SLC15A5: variants seen among roughly 807,000 people sequenced by gnomAD.
The protein encoded by SLC15A5 is Peptide/histidine transporter ENSP00000340402.
A neutral mutation model predicts 56.1 loss-of-function variants in SLC15A5; 58 were observed. The ratio of observed to expected loss-of-function variants is 1.03; its 90% CI spans 0.84 to 1.29. SLC15A5 has a LOEUF of 1.29. Ranked by LOEUF, SLC15A5 falls within the 50% of genes most tolerant of loss-of-function variation. SLC15A5 has a pLI of 0.00. For synonymous variants in SLC15A5, 264 were observed against 250.5 expected (o/e 1.05, Z -0.51); for missense variants, 681 against 672.1 (o/e 1.01, Z -0.15).
At chr12:16,224,751 A>C (rs1772920560) in intron 5 of SLC15A5, 149 bp from the exon 6 acceptor site, 1 of 827,768 alleles carries the variant, frequency 1.2e-6, no homozygotes, top group African/African-American at 1.7e-5. Flanking sequence ...ATTATACTTT[A>C]AGTTCTAGGG....
At chr12:16,223,676 C>G (rs1480028159) in intron 6 of SLC15A5, among the ~76,000 whole-genome samples, 3 of 151,714 alleles carry the variant, frequency 2.0e-5, no homozygotes, top group East Asian at 1.9e-4. Flanking sequence ...TGTTTATATA[C>G]TCTCAAAGAA....
chr12:16,257,201 C>G (rs1009712374), intron 3 of SLC15A5, among the ~76,000 whole-genome samples: 1 of 151,788 alleles, frequency 6.6e-6, no homozygotes, highest in African/African-American at 2.4e-5. Flanking sequence ...TTTATGTATG[C>G]ATACACCTAC....
At chr12:16,228,759 T>G (rs551876424) in intron 5 of SLC15A5, among the ~76,000 whole-genome samples, 1 of 152,188 alleles carries the variant, frequency 6.6e-6, no homozygotes, top group Non-Finnish European at 1.5e-5. Context: ...TATATGATTT[T>G]CTTAATAACA....
intron 2 of SLC15A5, among the ~76,000 whole-genome samples, chr12:16,260,695 G>T (rs1591659352): frequency 6.7e-6 from 1 of 150,302 alleles, no homozygotes; most frequent in African/African-American, 2.4e-5. Flanking sequence ...ATCTTTATTG[G>T]TTCATACTTT....
intron 3 of SLC15A5, among the ~76,000 whole-genome samples, chr12:16,254,937 G>C (rs985280939): frequency 1.3e-5 from 2 of 152,088 alleles, no homozygotes; most frequent in Non-Finnish European, 2.9e-5. Context: ...ACTGTAGGAT[G>C]ACTATAGTTA....
At chr12:16,259,022 TC>T (rs1864610854) in intron 2 of SLC15A5, among the ~76,000 whole-genome samples, 4 of 84,682 alleles carry the variant, frequency 4.7e-5, no homozygotes, top group African/African-American at 1.3e-4. Flanking sequence ...TTTCTTTCTT[TC>T]CTTTTTTTTT....
intron 2 of SLC15A5, among the ~76,000 whole-genome samples, chr12:16,265,153 G>T (rs1014461377): frequency 3.9e-5 from 6 of 152,152 alleles, no homozygotes; most frequent in African/African-American, 1.4e-4. Context: ...AATTGCAGAT[G>T]CGGCAAGGTA....
At chr12:16,231,235 G>T (rs1864294877) in intron 5 of SLC15A5, among the ~76,000 whole-genome samples, 1 of 152,158 alleles carries the variant, frequency 6.6e-6, no homozygotes, top group African/African-American at 2.4e-5. Flanking sequence ...CCAATATCTA[G>T]AGCAGTTTAG....
intron 2 of SLC15A5, among the ~76,000 whole-genome samples, chr12:16,272,055 C>T (rs1864765336): frequency 6.6e-6 from 1 of 152,184 alleles, no homozygotes; most frequent in South Asian, 2.1e-4. Flanking sequence ...CCAAATTAGT[C>T]TATTACAATA....
intron 5 of SLC15A5, among the ~76,000 whole-genome samples, chr12:16,234,738 C>T (rs1226246224): frequency 6.6e-6 from 1 of 152,040 alleles, no homozygotes; most frequent in Non-Finnish European, 1.5e-5. Context: ...TAATAATTTT[C>T]CAAATTAGTC....
chr12:16,264,867 T>C (rs1014921541), intron 2 of SLC15A5, among the ~76,000 whole-genome samples: 1 of 152,214 alleles, frequency 6.6e-6, no homozygotes, highest in Non-Finnish European at 1.5e-5. Context: ...CACATGGAAC[T>C]GTAAGTCAAA....
At chr12:16,244,434 C>T (rs923057900) in intron 4 of SLC15A5, 146 bp downstream of exon 4, 2 of 723,800 alleles carry the variant, frequency 2.8e-6, no homozygotes, top group South Asian at 1.8e-5. Flanking sequence ...AAATCAGAGC[C>T]TGTAATGATG....
intron 2 of SLC15A5, among the ~76,000 whole-genome samples, chr12:16,268,514 A>G (rs961439244): frequency 6.6e-6 from 1 of 152,190 alleles, no homozygotes; most frequent in Admixed American, 6.5e-5. Flanking sequence ...AGATTATTTC[A>G]TGAACTGCTT....
chr12:16,210,831 AT>A (rs1170047281), intron 7 of SLC15A5, among the ~76,000 whole-genome samples: 1 of 152,234 alleles, frequency 6.6e-6, no homozygotes, highest in Non-Finnish European at 1.5e-5. Flanking sequence ...TGATGCTATT[AT>A]AAACTCAAAG....
At chr12:16,199,996 C>CTG (rs1258753095) in intron 7 of SLC15A5, among the ~76,000 whole-genome samples, 1 of 151,872 alleles carries the variant, frequency 6.6e-6, no homozygotes, top group Non-Finnish European at 1.5e-5. Context: ...GTCACTTTAA[C>CTG]TGTAGACTTT....
chr12:16,256,221 T>G (rs1456972649), intron 3 of SLC15A5, among the ~76,000 whole-genome samples: 1 of 152,178 alleles, frequency 6.6e-6, no homozygotes, highest in Non-Finnish European at 1.5e-5. Flanking sequence ...TACCTCAATG[T>G]AACTAGCTGA....
At position 16,194,392 on chromosome 12, in the gene SLC15A5, TG is replaced by T; in HGVS notation, c.1544del (p.Ala515AspfsTer3). Reference sequence around the variant, plus strand: ...CCAGGACGTTCAACAATGTTAATGATGCCAGGAAGAAGAAGAAGCTTTCTAA... The same window carrying T: ...CCAGGACGTTCAACAATGTTAATGATCCAGGAAGAAGAAGAAGCTTTCTAA... ...GNLESFFFFL[A>X]SLTLLNVLGF... is the part of the protein sequence containing the mutation. On this transcript the variant is annotated frameshift_variant, in exon 8 of 9. Coordinates refer to ENST00000344941, the MANE Select transcript of SLC15A5 (RefSeq NM_001170798.1). LOFTEE classifies it high-confidence loss of function. 3 of 1,535,586 alleles carry T rather than the reference TG, an allele frequency of 2.0e-6. No homozygotes were observed. The highest frequency in any genetic ancestry group is 1.7e-6 in the Non-Finnish European group (2 of 1,145,704).
At chr12:16,192,055 T>TGG (rs1375674362) in intron 8 of SLC15A5, among the ~76,000 whole-genome samples, 36 of 152,066 alleles carry the variant, frequency 2.4e-4, no homozygotes, top group Non-Finnish European at 5.0e-4. Flanking sequence ...GAGACAAATT[T>TGG]GGGGTTGAAT....
At chr12:16,219,487 C>G (rs900082939) in intron 6 of SLC15A5, among the ~76,000 whole-genome samples, 5 of 152,102 alleles carry the variant, frequency 3.3e-5, no homozygotes, top group African/African-American at 1.2e-4. Context: ...TAAGAAAAAG[C>G]AGAACATACA....
Sources: allele counts gnomAD v4.1 joint callset (sites outside exome capture counted in the v4.1 genomes callset), GRCh38; gene constraint gnomAD v4.1.1; transcripts MANE v1.5; gene names NCBI Gene and HGNC (gene_info 2026-07-23, HGNC 2026-07-21).